Variants in MAGI3 observed in about 807,000 individuals in gnomAD.
MAGI3 encodes membrane associated guanylate kinase, WW and PDZ domain containing 3.
In MAGI3, 43 loss-of-function variants were observed where a neutral mutation model predicts 121.8. That is an observed-to-expected ratio of 0.35 (90% CI 0.28 to 0.46). MAGI3 has a LOEUF of 0.46. Ranked by LOEUF, MAGI3 falls within the 20% of genes least tolerant of loss-of-function variation. The pLI, the probability that MAGI3 is intolerant of heterozygous loss-of-function variation, is 1.00. For synonymous variants in MAGI3, 553 were observed against 639.3 expected, an observed-to-expected ratio of 0.86 and a Z score of 2.04; for missense variants, 1,547 against 1,797.3, an observed-to-expected ratio of 0.86 and a Z score of 2.52.
intron 1 of MAGI3, among the ~76,000 whole-genome samples, chr1:113,541,480 GTATT>G (rs1659285260): frequency 6.6e-6 from 1 of 152,160 alleles, no homozygotes; most frequent in Admixed American, 6.5e-5. Flanking sequence ...AGACTCCAGA[GTATT>G]TAATGCTTTT....
At chr1:113,630,182 C>T (rs894903874) in intron 9 of MAGI3, among the ~76,000 whole-genome samples, 1 of 152,164 alleles carries the variant, frequency 6.6e-6, no homozygotes, top group African/African-American at 2.4e-5. Context: ...AGAATTCTTC[C>T]CATTCTTCAC....
At chr1:113,598,232 CA>C (rs1270257619) in intron 6 of MAGI3, among the ~76,000 whole-genome samples, 1 of 149,346 alleles carries the variant, frequency 6.7e-6, no homozygotes, top group South Asian at 2.1e-4. Flanking sequence ...ACCCCCCCTC[CA>C]AAAAAAAACT....
At chr1:113,660,925 G>A (rs1653756919) in intron 16 of MAGI3, among the ~76,000 whole-genome samples, 1 of 151,600 alleles carries the variant, frequency 6.6e-6, no homozygotes, top group Non-Finnish European at 1.5e-5. Flanking sequence ...TTTGAATGAA[G>A]GAATGAGTAA....
intron 2 of MAGI3, among the ~76,000 whole-genome samples, chr1:113,579,161 T>G (rs1328495160): frequency 1.3e-5 from 2 of 152,180 alleles, no homozygotes; most frequent in African/African-American, 4.8e-5. Context: ...ATCTTTGCAC[T>G]GTGTCAAGAC....
chr1:113,641,831 G>T (rs1245396153), intron 9 of MAGI3, 80 bp from the exon 10 acceptor site: 1 of 1,325,232 alleles, frequency 7.5e-7, no homozygotes, highest in Non-Finnish European at 1.0e-6. Context: ...TTGCTAAATT[G>T]TAGTTATTTT....
chr1:113,651,346 G>A, intron 14 of MAGI3, 140 bp downstream of exon 14: 1 of 693,250 alleles, frequency 1.4e-6, no homozygotes, highest in Non-Finnish European at 2.2e-6. Context: ...GGGCCTCACT[G>A]TGGAAGGCTA....
intron 1 of MAGI3, among the ~76,000 whole-genome samples, chr1:113,480,537 C>T (rs1189201033): frequency 6.6e-6 from 1 of 152,206 alleles, no homozygotes; most frequent in Non-Finnish European, 1.5e-5. Flanking sequence ...GGGCTATAGA[C>T]ATTGACCTGG....
At position 113,391,311 on chromosome 1, in the gene MAGI3, A is replaced by G. The variant is rs772164570; in HGVS notation, c.278A>G (p.His93Arg). 4.4e-6 allele frequency: 7 copies of G among 1,597,334 alleles called. No individual in the cohort carries two copies. The Admixed American group carries it at 1.0e-4, about 23-fold the overall frequency. The change falls in exon 1 of 21, where the codon CAC (histidine) becomes CGC (arginine). Residue 93 changes from histidine to arginine, a missense_variant. His to Arg is a conservative substitution (Grantham distance 29). Coordinates refer to ENST00000307546, the MANE Select transcript of MAGI3 (RefSeq NM_001142782.2). The surrounding 1 kb of genome is among the most constrained non-coding windows in gnomAD (Gnocchi z 4.4). Reference protein sequence around the residue: ...TNRDTLAVIRHFREPIRLKTV... With the variant: ...TNRDTLAVIRRFREPIRLKTV... The stretch of plus-strand genomic sequence containing the variant: ...CGGGACACCCTGGCTGTCATCCGCC[A>G]CTTCCGCGAGCCCATCCGTCTCAAG...
chr1:113,391,229 A>C lies in MAGI3; in HGVS notation c.196A>C (p.Ser66Arg). ...CTGCGTCGTCTCGGGCAAGGCGCCC[A>C]GCCCAGGCGATGTGCTGCTGGAGGT... ...TCCVVSGKAP[S>R]PGDVLLEVNG... is the part of the protein sequence containing the mutation. Residue 66 changes from serine to arginine, a missense_variant, in exon 1 of 21, where the codon AGC (serine) becomes CGC (arginine). Transcript: ENST00000307546. The surrounding 1 kb of genome is among the most constrained non-coding windows in gnomAD (Gnocchi z 4.4). 6.4e-7 allele frequency: 1 copy of C among 1,562,402 alleles called. No individual in the cohort carries two copies. The highest frequency in any genetic ancestry group is 8.7e-7 in the Non-Finnish European group (1 of 1,154,170).
At position 113,683,093 on chromosome 1, in the gene MAGI3, T is replaced by G; in HGVS notation, c.3525T>G (p.Asn1175Lys). Residue 1175 changes from asparagine (N) to lysine (K), a missense_variant, in exon 21 of 21, where the codon AAT (asparagine) becomes AAG (lysine). By Grantham distance (94) the Asn-to-Lys change is moderately conservative. Coordinates refer to ENST00000307546, the MANE Select transcript of MAGI3 (RefSeq NM_001142782.2). ...TGCCTGAAAAGAAAAGCACTTTAAA[T>G]GAAAATCAGCCTGAGATAAAGCATC... ...DIVPEKKSTL[N>K]ENQPEIKHQS... 6.2e-7 allele frequency: 1 copy of G among 1,613,252 alleles called. No individual in the cohort carries two copies. Among genetic ancestry groups the G allele is most frequent in the Non-Finnish European group, 8.5e-7 (1 of 1,179,712 alleles).
intron 4 of MAGI3, among the ~76,000 whole-genome samples, chr1:113,588,868 A>C (rs897129390): frequency 3.3e-5 from 5 of 152,162 alleles, no homozygotes; most frequent in African/African-American, 1.2e-4. Flanking sequence ...TTTGGTGTAA[A>C]GAGGAGAGAA....
intron 2 of MAGI3, among the ~76,000 whole-genome samples, chr1:113,565,075 C>T (rs1200894389): frequency 6.6e-6 from 1 of 151,944 alleles, no homozygotes; most frequent in African/African-American, 2.4e-5. Context: ...GTCTCAAACT[C>T]CTGACCTCAG....
chr1:113,397,492 G>A (rs77609547), intron 1 of MAGI3, among the ~76,000 whole-genome samples: 33 of 152,134 alleles, frequency 2.2e-4, no homozygotes, highest in Admixed American at 1.0e-3. Context: ...GGGCAAAAAC[G>A]TTCCATACAG....
intron 9 of MAGI3, among the ~76,000 whole-genome samples, chr1:113,638,413 G>A (rs1273166820): frequency 6.6e-6 from 1 of 152,108 alleles, no homozygotes; most frequent in Non-Finnish European, 1.5e-5. Flanking sequence ...TTTTTGGTGT[G>A]GATGTCCTTT....
intron 19 of MAGI3, among the ~76,000 whole-genome samples, chr1:113,677,540 T>C (rs1165988820): frequency 6.6e-6 from 1 of 152,216 alleles, no homozygotes; most frequent in African/African-American, 2.4e-5. Context: ...ATTTCATTGA[T>C]AGGCAGACAG....
chr1:113,477,005 G>A (rs879303991), intron 1 of MAGI3, among the ~76,000 whole-genome samples: 1 of 151,188 alleles, frequency 6.6e-6, no homozygotes, highest in Non-Finnish European at 1.5e-5. Flanking sequence ...TTTGATCTTT[G>A]CTGGTTTAAA....
intron 9 of MAGI3, among the ~76,000 whole-genome samples, chr1:113,623,536 G>A (rs1651008311): frequency 6.8e-6 from 1 of 147,878 alleles, no homozygotes; most frequent in African/African-American, 2.5e-5. Flanking sequence ...CGCCCAGGCT[G>A]GAGTGCAGTG....
At chr1:113,504,168 G>A (rs1011092456) in intron 1 of MAGI3, among the ~76,000 whole-genome samples, 4 of 151,856 alleles carry the variant, frequency 2.6e-5, no homozygotes, top group Non-Finnish European at 4.4e-5. Context: ...CATCTTCTAG[G>A]GGACCCTGTT....
intron 6 of MAGI3, among the ~76,000 whole-genome samples, chr1:113,605,028 C>G (rs549107027): frequency 5.3e-5 from 8 of 150,762 alleles, no homozygotes; most frequent in Non-Finnish European, 1.0e-4. Flanking sequence ...ATAAAATATA[C>G]TGACAATACC....
Sources: allele counts gnomAD v4.1 joint callset (sites outside exome capture counted in the v4.1 genomes callset), GRCh38; gene constraint gnomAD v4.1.1; non-coding constraint Gnocchi (gnomAD v3.1); transcripts MANE v1.5; gene names NCBI Gene and HGNC (gene_info 2026-07-23, HGNC 2026-07-21).